Variants in VTCN1 observed in about 807,000 individuals in gnomAD.
VTCN1 encodes the protein V-set domain containing T cell activation inhibitor 1.
In VTCN1, 26 loss-of-function variants were observed where a neutral mutation model predicts 26.5. The observed-to-expected ratio is 0.98, with a 90% CI of 0.72 to 1.36. VTCN1 has a LOEUF of 1.36. VTCN1 is among the 40% of genes most tolerant of loss of function. The pLI is 0.00. For missense variants in VTCN1, 298 were observed against 337.7 expected, an observed-to-expected ratio of 0.88 and a Z score of 0.92; for synonymous variants, 116 against 130.7, an observed-to-expected ratio of 0.89 and a Z score of 0.77.
intron 1 of VTCN1, among the ~76,000 whole-genome samples, chr1:117,176,513 A>G (rs76435174): frequency 0.062 from 9,408 of 152,320 alleles, 542 homozygotes; most frequent in East Asian, 0.18. Context: ...TTATTCAAAC[A>G]TGAATGGTTT....
At chr1:117,172,500 C>T (rs1652974559) in intron 1 of VTCN1, 1 of 518,590 alleles carries the variant, frequency 1.9e-6, no homozygotes, top group South Asian at 1.4e-5. Context: ...TCTTTGACTA[C>T]TGACACAGGC....
chr1:117,168,730 G>A (rs116071544), intron 2 of VTCN1, among the ~76,000 whole-genome samples: 3,833 of 152,216 alleles, frequency 0.025, 73 homozygotes, highest in Non-Finnish European at 0.04. Flanking sequence ...AGAAAAAAAT[G>A]AATGGAAGAT....
chr1:117,189,880 AG>A (rs2101576073), intron 1 of VTCN1, among the ~76,000 whole-genome samples: 1 of 142,920 alleles, frequency 7.0e-6, no homozygotes, highest in South Asian at 2.4e-4. Flanking sequence ...TCCACGTAGG[AG>A]GTTGCAAAAC....
chr1:117,175,617 C>T lies in VTCN1; in HGVS notation c.33-5446G>A, dbSNP rs897974480. On this transcript the variant is annotated intron_variant, in intron 1 of 5. Coordinates refer to ENST00000369458, the MANE Select transcript of VTCN1 (RefSeq NM_024626.4). The surrounding 1 kb of genome is among the most constrained non-coding windows in gnomAD (Gnocchi z 4.2). ...GAAAGAAAAGGCATGTGAACCAACA[C>T]AACGTCCATGTTGTCCTGCCATCAT... Among the ~76,000 whole-genome samples, 1 of 152,188 alleles carries T rather than the reference C, an allele frequency of 6.6e-6. No individual in the cohort carries two copies. Among genetic ancestry groups the T allele is most frequent in the Non-Finnish European group, 1.5e-5 (1 of 68,026 alleles).
At chr1:117,191,008 C>G (rs1369861846) in intron 1 of VTCN1, among the ~76,000 whole-genome samples, 1 of 152,026 alleles carries the variant, frequency 6.6e-6, no homozygotes, top group Non-Finnish European at 1.5e-5. Flanking sequence ...AGAACACAGA[C>G]AGACCATTAA....
At chr1:117,195,375 T>G (rs1010170875) in intron 1 of VTCN1, among the ~76,000 whole-genome samples, 1 of 151,836 alleles carries the variant, frequency 6.6e-6, no homozygotes, top group Non-Finnish European at 1.5e-5. Flanking sequence ...CACAAATAAC[T>G]GAGGTAAAGT....
At chr1:117,153,479 T>C in intron 3 of VTCN1, 110 bp from the exon 4 acceptor site, 2 of 1,211,194 alleles carry the variant, frequency 1.7e-6, no homozygotes, top group Non-Finnish European at 2.3e-6. Flanking sequence ...TTTTTTTTTT[T>C]TATCATTGAA....
At chr1:117,164,992 G>A (rs904420606) in intron 2 of VTCN1, among the ~76,000 whole-genome samples, 1 of 152,244 alleles carries the variant, frequency 6.6e-6, no homozygotes, top group Admixed American at 6.5e-5. Flanking sequence ...CATCAGGAGA[G>A]TTACAAAGAA....
At chr1:117,190,014 T>G (rs1346292358) in intron 1 of VTCN1, among the ~76,000 whole-genome samples, 1 of 152,174 alleles carries the variant, frequency 6.6e-6, no homozygotes, top group Admixed American at 6.5e-5. Flanking sequence ...TTGGTCTTGG[T>G]CCTGCCACCA....
rs537268238 is a variant in VTCN1 at position 117,154,521 on chromosome 1, C to T, written c.446-1152G>A. On this transcript the variant is annotated intron_variant, in intron 3 of 5. Transcript: ENST00000369458. ...ACTGGAGGCCAGGCGCAGTGGCACA[C>T]GCCTGTAATCCAAGCACTTTGGGAG... Among the ~76,000 whole-genome samples, 31 of 152,284 alleles carry T rather than the reference C, an allele frequency of 2.0e-4. No individual in the cohort carries two copies. In the East Asian group the frequency reaches 4.4e-3, roughly 22 times the overall value.
At chr1:117,150,899 A>G (rs1406242635) in intron 4 of VTCN1, among the ~76,000 whole-genome samples, 1 of 152,218 alleles carries the variant, frequency 6.6e-6, no homozygotes. Flanking sequence ...CTTATTTCAC[A>G]TAGATAATGT....
intron 1 of VTCN1, among the ~76,000 whole-genome samples, chr1:117,207,163 A>G (rs2101612186): frequency 6.6e-6 from 1 of 152,270 alleles, no homozygotes; most frequent in South Asian, 2.1e-4. Flanking sequence ...AAAATTCCAA[A>G]GCAAACTCCC....
rs1037856989 is a variant in VTCN1, at chr1:117,175,612, C to T, written c.33-5441G>A. On this transcript the variant is annotated intron_variant, in intron 1 of 5. Transcript: ENST00000369458. This position sits in a 1 kb window ranked among gnomAD's most constrained non-coding sequence, Gnocchi z 4.2. ...GCTTTGAAAGAAAAGGCATGTGAAC[C>T]AACACAACGTCCATGTTGTCCTGCC... Among the ~76,000 whole-genome samples, 3 of 152,160 alleles carry T rather than the reference C, an allele frequency of 2.0e-5. No individual in the cohort carries two copies. Among genetic ancestry groups the T allele is most frequent in the African/African-American group, 7.2e-5 (3 of 41,440 alleles).
chr1:117,186,149 C>T (rs1483304234), intron 1 of VTCN1, among the ~76,000 whole-genome samples: 1 of 152,086 alleles, frequency 6.6e-6, no homozygotes, highest in Non-Finnish European at 1.5e-5. Context: ...AAATGTAGTT[C>T]AACAATGGTC....
Position 117,210,897 on chromosome 1 carries a change from G to T in VTCN1, c.-42C>A. 1 of 1,610,502 alleles carries T rather than the reference G, an allele frequency of 6.2e-7. No individual in the cohort carries two copies. The stretch of plus-strand genomic sequence containing the variant: ...CAGCGTATCTGGGTACTGGCTGAGT[G>T]GAGCTGCCGCTGCCTTCCTTGGTGA... On this transcript the variant is annotated 5_prime_UTR_variant, in exon 1 of 6. Coordinates refer to ENST00000369458, the MANE Select transcript of VTCN1 (RefSeq NM_024626.4).
intron 1 of VTCN1, among the ~76,000 whole-genome samples, chr1:117,197,874 G>T (rs894710999): frequency 1.1e-4 from 17 of 152,160 alleles, no homozygotes; most frequent in African/African-American, 4.1e-4. Context: ...GCCAGCGTTT[G>T]CTTCTTCAGT....
rs1651895647 is a variant in VTCN1 at position 117,153,287 on chromosome 1, C to T, written c.528G>A (p.Gln176=). The change falls in exon 4 of 6, where the codon CAG becomes CAA. Residue 176 remains glutamine (Q), a synonymous_variant. Transcript: ENST00000369458. ...LRCEAPRWFP[Q]PTVVWASQVD... The stretch of plus-strand genomic sequence containing the variant: ...CTTGGGATGCCCAGACCACTGTGGG[C>T]TGGGGGAACCATCGGGGAGCCTCAC... The T allele has an allele frequency of 6.2e-7, 1 of 1,614,012 alleles. No homozygotes were observed. Among genetic ancestry groups the T allele is most frequent in the Non-Finnish European group, 8.5e-7 (1 of 1,179,972 alleles).
At chr1:117,149,360 T>C (rs1651677480) in intron 4 of VTCN1, among the ~76,000 whole-genome samples, 1 of 151,776 alleles carries the variant, frequency 6.6e-6, no homozygotes, top group Admixed American at 6.6e-5. Context: ...TCAAACCCAC[T>C]TTGACTTGTG....
intron 2 of VTCN1, 120 bp from the exon 3 acceptor site, chr1:117,157,041 T>C (rs1475689082): frequency 1.3e-6 from 2 of 1,572,662 alleles, no homozygotes; most frequent in Non-Finnish European, 1.7e-6. Context: ...CAGAAGAACA[T>C]GAGAGGCAAT....
Sources: allele counts gnomAD v4.1 joint callset (sites outside exome capture counted in the v4.1 genomes callset), GRCh38; gene constraint gnomAD v4.1.1; non-coding constraint Gnocchi (gnomAD v3.1); transcripts MANE v1.5; gene names NCBI Gene and HGNC (gene_info 2026-07-23, HGNC 2026-07-21).